Variants in ZBBX observed in about 807,000 individuals in gnomAD.
The protein encoded by ZBBX is zinc finger B-box domain-containing protein 1.
Under a neutral mutation model 108.5 loss-of-function variants are expected in ZBBX, and 101 were observed. The ratio of observed to expected loss-of-function variants is 0.93; its 90% CI spans 0.79 to 1.10. The LOEUF is 1.10. ZBBX is among the 50% of genes least tolerant of loss of function. The probability of loss-of-function intolerance (pLI) is 0.00; values close to 1 mark genes in which losing one functional copy is unlikely to be tolerated. For missense variants in ZBBX, 1,009 were observed against 941.4 expected, an observed-to-expected ratio of 1.07 and a Z score of -0.94; for synonymous variants, 356 against 323.4, an observed-to-expected ratio of 1.10 and a Z score of -1.08.
chr3:167,378,361 T>C (rs538574721), intron 2 of ZBBX, among the ~76,000 whole-genome samples: 38 of 152,280 alleles, frequency 2.5e-4, no homozygotes, highest in Non-Finnish European at 5.4e-4. Context: ...AGGGACAAGA[T>C]ACCATTTTAA....
intron 12 of ZBBX, 47 bp from the exon 13 acceptor site, chr3:167,317,644 G>A: frequency 2.3e-6 from 3 of 1,281,662 alleles, no homozygotes; most frequent in Middle Eastern, 1.9e-4. Context: ...TATATTACCT[G>A]AAACTTTCCC....
chr3:167,192,377 G>A, the ZBBX span, among the ~76,000 whole-genome samples: 1 of 152,028 alleles, frequency 6.6e-6, no homozygotes, highest in African/African-American at 2.4e-5. Flanking sequence ...TCATGTTTCA[G>A]TGAGACCTTT....
chr3:167,348,182 A>G (rs1170950078), intron 9 of ZBBX, among the ~76,000 whole-genome samples: 2 of 140,956 alleles, frequency 1.4e-5, no homozygotes, highest in East Asian at 2.4e-4. Context: ...AGAGAGAAAA[A>G]GAAGGAAAGA....
At chr3:167,225,217 T>C in the ZBBX span, among the ~76,000 whole-genome samples, 1 of 151,938 alleles carries the variant, frequency 6.6e-6, no homozygotes, top group Admixed American at 6.6e-5. Flanking sequence ...GAGTTTCCAC[T>C]AGACACGTGT....
the ZBBX span, among the ~76,000 whole-genome samples, chr3:167,232,769 T>C: frequency 6.6e-6 from 1 of 151,716 alleles, no homozygotes; most frequent in East Asian, 1.9e-4. Flanking sequence ...AGAATAAAGC[T>C]CCAGGCTATT....
At chr3:167,353,806 A>G (rs1286357739) in intron 8 of ZBBX, among the ~76,000 whole-genome samples, 2 of 152,050 alleles carry the variant, frequency 1.3e-5, no homozygotes, top group Non-Finnish European at 2.9e-5. Flanking sequence ...GAATTTGTCC[A>G]GAGTCATACA....
intron 1 of ZBBX, among the ~76,000 whole-genome samples, chr3:167,389,411 C>T (rs950020446): frequency 6.6e-6 from 1 of 152,116 alleles, no homozygotes; most frequent in African/African-American, 2.4e-5. Flanking sequence ...CAAATCTTTG[C>T]TATTGTAAAT....
chr3:167,279,495 C>T (rs1471035542), intron 20 of ZBBX, among the ~76,000 whole-genome samples: 1 of 150,872 alleles, frequency 6.6e-6, no homozygotes, highest in Non-Finnish European at 1.5e-5. Flanking sequence ...CTCCCATTCA[C>T]AATTGCTTCA....
intron 8 of ZBBX, 114 bp downstream of exon 8, chr3:167,359,756 G>A: frequency 2.3e-6 from 1 of 432,020 alleles, no homozygotes; most frequent in Non-Finnish European, 4.0e-6. Context: ...AAAGTATATG[G>A]CTACCAAGCA....
chr3:167,297,742 C>T (rs1236840972), intron 18 of ZBBX, among the ~76,000 whole-genome samples: 1 of 151,818 alleles, frequency 6.6e-6, no homozygotes, highest in African/African-American at 2.4e-5. Flanking sequence ...AGACATTTCT[C>T]CAAAGAGTAT....
chr3:167,388,448 G>C lies in ZBBX; in HGVS notation c.-445-8043C>G, dbSNP rs180809997. Among the ~76,000 whole-genome samples the C allele has an allele frequency of 1.1e-4, 16 of 151,902 alleles. No individual in the cohort carries two copies. In the East Asian group the frequency reaches 2.9e-3, roughly 28 times the overall value. ...TTATAAGATAACATTGGCAACCAGA[G>C]GACATTGGCTATAGAGAGTTAAAGA... On this transcript the variant is annotated intron_variant, in intron 1 of 21. Transcript: ENST00000455345.
At chr3:167,248,010 C>T (rs1333185829) in intron 20 of ZBBX, among the ~76,000 whole-genome samples, 5 of 152,282 alleles carry the variant, frequency 3.3e-5, no homozygotes, top group Admixed American at 2.6e-4. Flanking sequence ...AGTTTTGCTA[C>T]AGGCTATGGC....
At chr3:167,268,481 G>C (rs1430609708) in intron 20 of ZBBX, among the ~76,000 whole-genome samples, 1 of 151,712 alleles carries the variant, frequency 6.6e-6, no homozygotes, top group East Asian at 2.0e-4. Flanking sequence ...AAATATACAA[G>C]ACCTAAGGGA....
At position 167,372,862 on chromosome 3, in the gene ZBBX, GT is replaced by G; in HGVS notation, c.39del (p.Lys13AsnfsTer6). ...TATTTTAGCTTTACAGAATTTCCAGGTTTTCCCCATGGAAGAACTACAAAAT... is the reference window on the plus strand; with the variant it reads ...TATTTTAGCTTTACAGAATTTCCAGGTTTCCCCATGGAAGAACTACAAAAT... ...RKDFVVLPWGKPGNSVKLKYR... is the reference protein window; with the variant it reads ...RKDFVVLPWGXPGNSVKLKYR... On this transcript the variant is annotated frameshift_variant, in exon 4 of 22. Coordinates refer to ENST00000675490, the MANE Select transcript of ZBBX (RefSeq NM_001199201.2). LOFTEE classifies it high-confidence loss of function. The G allele has an allele frequency of 6.3e-7, 1 of 1,595,636 alleles. No homozygotes were observed. The highest frequency in any genetic ancestry group is 1.1e-5 in the South Asian group (1 of 88,708).
intron 12 of ZBBX, among the ~76,000 whole-genome samples, chr3:167,321,756 T>C (rs886346639): frequency 2.5e-4 from 38 of 152,214 alleles, no homozygotes; most frequent in African/African-American, 8.2e-4. Context: ...AACTAGATTC[T>C]GAAAATTATA....
intron 2 of ZBBX, among the ~76,000 whole-genome samples, chr3:167,376,063 T>C (rs1270232207): frequency 6.6e-6 from 1 of 152,148 alleles, no homozygotes; most frequent in Non-Finnish European, 1.5e-5. Flanking sequence ...GGCATTTTGA[T>C]AGAAGAATCT....
At chr3:167,380,300 C>T (rs539222470), upstream of ZBBX, 116 of 152,388 alleles carry the variant, frequency 7.6e-4, no homozygotes, top group African/African-American at 2.7e-3. Flanking sequence ...GGATAGCTGC[C>T]GGGAGTTTCC....
intron 20 of ZBBX, among the ~76,000 whole-genome samples, chr3:167,253,213 T>A (rs1576782220): frequency 6.6e-6 from 1 of 152,158 alleles, no homozygotes; most frequent in Admixed American, 6.6e-5. Context: ...TTTATTGAGG[T>A]GTGGCTGGGT....
intron 6 of ZBBX, among the ~76,000 whole-genome samples, chr3:167,363,939 A>G (rs1462672587): frequency 6.6e-6 from 1 of 152,102 alleles, no homozygotes; most frequent in African/African-American, 2.4e-5. Context: ...CACATATTTC[A>G]AGAGTTTTTG....
Sources: gnomAD v4.1 joint callset for allele counts (sites outside exome capture counted in the v4.1 genomes callset) on GRCh38, gnomAD v4.1.1 for gene constraint, MANE v1.5 for transcripts, NCBI Gene and HGNC (gene_info 2026-07-23, HGNC 2026-07-21) for gene names.